Variants in BTD observed in about 807,000 individuals in gnomAD.
BTD encodes the protein biocytinase.
In BTD, 13 loss-of-function variants were observed where a neutral mutation model predicts 17.7. That is an observed-to-expected ratio of 0.74 (90% CI 0.48 to 1.17). BTD has a LOEUF of 1.17. Ranked by LOEUF, BTD falls within the 50% of genes most tolerant of loss-of-function variation. BTD has a pLI of 0.00. For missense variants in BTD, 674 were observed against 650.4 expected, an observed-to-expected ratio of 1.04 and a Z score of -0.39; for synonymous variants, 240 against 245.2, an observed-to-expected ratio of 0.98 and a Z score of 0.20.
intron 4 of BTD, among the ~76,000 whole-genome samples, chr3:15,720,727 G>C (rs2073636655): frequency 1.3e-5 from 2 of 151,956 alleles, no homozygotes; most frequent in South Asian, 4.2e-4. Flanking sequence ...ATTGGTTCTA[G>C]AACCTTACAT....
intron 3 of BTD, among the ~76,000 whole-genome samples, chr3:15,694,053 C>G (rs901261845): frequency 4.6e-5 from 7 of 151,978 alleles, no homozygotes; most frequent in African/African-American, 1.7e-4. Context: ...TCTCAAAGTA[C>G]CCCCTTCCCT....
downstream of BTD, among the ~76,000 whole-genome samples, chr3:15,653,744 G>T (rs1269725671): frequency 2.0e-5 from 3 of 152,236 alleles, no homozygotes; most frequent in Admixed American, 6.5e-5. Flanking sequence ...TATAACTTTG[G>T]GGGTGTTCTA....
chr3:15,666,498 C>T (rs1182874584), intron 3 of BTD, among the ~76,000 whole-genome samples: 1 of 152,234 alleles, frequency 6.6e-6, no homozygotes. Context: ...CAAGTACTTA[C>T]AACCTTGCCT....
intron 3 of BTD, chr3:15,685,216 T>TA: frequency 6.2e-7 from 1 of 1,612,450 alleles, no homozygotes; most frequent in Non-Finnish European, 8.5e-7. Flanking sequence ...TTTGTGTTTG[T>TA]ATACTTAACC....
At chr3:15,670,380 T>G (rs1329579877) in intron 3 of BTD, 2 of 1,613,806 alleles carry the variant, frequency 1.2e-6, no homozygotes, top group African/African-American at 2.7e-5. Flanking sequence ...TCATTCCTCA[T>G]GATGGGCAAA....
chr3:15,649,233 C>A lies in BTD; in HGVS notation c.*3745C>A, dbSNP rs1034921663. Among the ~76,000 whole-genome samples, 1 of 152,198 alleles carries A rather than the reference C, an allele frequency of 6.6e-6. No homozygotes were observed. Among genetic ancestry groups the A allele is most frequent in the African/African-American group, 2.4e-5 (1 of 41,440 alleles). On this transcript the variant is annotated 3_prime_UTR_variant, in exon 4 of 4. Coordinates refer to ENST00000643237, the MANE Select transcript of BTD (RefSeq NM_001370658.1). ...CACTTGGGTCTTTCCATAGGGATAG[C>A]TGAGTGTCCTCATGATGTGGCCCCT...
At chr3:15,674,706 TAGA>T (rs1449098201) in intron 3 of BTD, among the ~76,000 whole-genome samples, 5 of 152,068 alleles carry the variant, frequency 3.3e-5, no homozygotes, top group Admixed American at 2.6e-4. Context: ...AATTGAGTCC[TAGA>T]AGAAGAGGGA....
intron 3 of BTD, chr3:15,686,529 G>A (rs1315818003): frequency 1.4e-5 from 8 of 554,588 alleles, no homozygotes; most frequent in East Asian, 6.4e-5. Flanking sequence ...CAGGCAGACC[G>A]CCTACCCAGC....
At chr3:15,673,096 C>T (rs1349250246) in intron 3 of BTD, among the ~76,000 whole-genome samples, 4 of 152,174 alleles carry the variant, frequency 2.6e-5, no homozygotes, top group Non-Finnish European at 5.9e-5. Context: ...TCTTAACATG[C>T]CACTCTCTTT....
rs190962911 is a variant in BTD at position 15,706,197 on chromosome 3, C to T, written c.400-3863C>T. On this transcript the variant is annotated intron_variant, in intron 3 of 3. Transcript: ENST00000672141. ...CGTTGGTGTGCTGCACCCATTAACT[C>T]GTCACTTACATTAGGTATACCTCCT... 5.2e-4 allele frequency among the ~76,000 whole-genome samples: 79 copies of T among 152,110 alleles called. 1 individual carries two copies. The East Asian group carries it at 0.015, about 29-fold the overall frequency.
At chr3:15,695,131 C>G (rs374058158) in intron 3 of BTD, 33 of 1,352,174 alleles carry the variant, frequency 2.4e-5, no homozygotes, top group Non-Finnish European at 3.5e-5. Flanking sequence ...ATAAACATAA[C>G]TGGTAGGAGG....
chr3:15,621,141 A>G (rs533305346), intron 1 of BTD, among the ~76,000 whole-genome samples: 2 of 152,304 alleles, frequency 1.3e-5, no homozygotes, highest in South Asian at 2.1e-4. Context: ...GCCTGCCCAC[A>G]TTGTGAGGGT....
intron 3 of BTD, among the ~76,000 whole-genome samples, chr3:15,673,281 G>C (rs2066570106): frequency 6.6e-6 from 1 of 152,174 alleles, no homozygotes; most frequent in African/African-American, 2.4e-5. Context: ...TCGTTAATAG[G>C]CTGTTTGCAC....
chr3:15,612,701 T>G (rs901402931), intron 1 of BTD, among the ~76,000 whole-genome samples: 11 of 149,240 alleles, frequency 7.4e-5, no homozygotes, highest in Non-Finnish European at 1.0e-4. Context: ...TTTTTTTTTT[T>G]GCTTCATTAT....
rs542104945 is a variant in BTD, at chr3:15,667,566, A to G, written c.399+25509A>G. 4.6e-5 allele frequency: 7 copies of G among 152,378 alleles called. No homozygotes were observed. In the South Asian group the frequency reaches 1.4e-3, roughly 32 times the overall value. 9.4% of individuals were successfully genotyped at this position (152,378 alleles called of 1,614,324 possible). ...TTAGACATACAAGGTGTAACCATAA[A>G]GGAAATTTCTACGGTGCTGTGTTCA... On this transcript the variant is annotated intron_variant, in intron 3 of 3. Transcript: ENST00000672141.
intron 3 of BTD, among the ~76,000 whole-genome samples, chr3:15,689,672 A>C (rs1019409408): frequency 1.3e-5 from 2 of 152,212 alleles, no homozygotes; most frequent in African/African-American, 4.8e-5. Context: ...ACTAGTTAAT[A>C]AATCTATTTT....
At chr3:15,711,625 G>A (rs2072290430) in exon 4 of BTD, among the ~76,000 whole-genome samples, 1 of 152,074 alleles carries the variant, frequency 6.6e-6, no homozygotes, top group South Asian at 2.1e-4. Flanking sequence ...CTAGGGCTGA[G>A]GGAAGAAAGA....
At position 15,705,157 on chromosome 3, in the gene BTD, A is replaced by C. The variant is rs549952992; in HGVS notation, c.400-4903A>C. Among the ~76,000 whole-genome samples the C allele has an allele frequency of 2.2e-4, 33 of 152,298 alleles. No homozygotes were observed. In the South Asian group the frequency reaches 6.9e-3, roughly 32 times the overall value. ...TGTTTAGTGTACATACTGAGGATTA[A>C]ATATTTAAATAATAAAAGTCATTGC... On this transcript the variant is annotated intron_variant, in intron 3 of 3. Coordinates refer to the BTD transcript ENST00000672141.
chr3:15,631,137 A>C (rs560380859), intron 1 of BTD, among the ~76,000 whole-genome samples: 15 of 152,226 alleles, frequency 9.9e-5, no homozygotes, highest in Non-Finnish European at 1.5e-4. Context: ...GAACTTCCCA[A>C]TGTTTTTCTT....
Sources: gnomAD v4.1 joint callset for allele counts (sites outside exome capture counted in the v4.1 genomes callset) on GRCh38, gnomAD v4.1.1 for gene constraint, MANE v1.5 for transcripts, NCBI Gene and HGNC (gene_info 2026-07-23, HGNC 2026-07-21) for gene names.